Variants in ADAMTS6 observed in about 807,000 individuals in gnomAD.
ADAMTS6 encodes the protein A disintegrin and metalloproteinase with thrombospondin motifs 6.
Under a neutral mutation model 144.3 loss-of-function variants are expected in ADAMTS6, and 23 were observed. The ratio of observed to expected loss-of-function variants is 0.16; its 90% CI spans 0.11 to 0.23. The LOEUF (loss-of-function observed/expected upper bound fraction) is 0.23. Ranked by LOEUF, ADAMTS6 falls within the 10% of genes least tolerant of loss-of-function variation. The pLI is 1.00. For missense variants in ADAMTS6, 999 were observed against 1,379.6 expected, an observed-to-expected ratio of 0.72 and a Z score of 4.37; for synonymous variants, 444 against 457.5, an observed-to-expected ratio of 0.97 and a Z score of 0.38.
chr5:65,226,506 T>G (rs899459359), intron 15 of ADAMTS6, among the ~76,000 whole-genome samples: 1 of 151,848 alleles, frequency 6.6e-6, no homozygotes, highest in Non-Finnish European at 1.5e-5. Context: ...TATTTCTATA[T>G]TCCATTATAT....
intron 8 of ADAMTS6, among the ~76,000 whole-genome samples, chr5:65,331,005 C>T (rs1746667613): frequency 6.6e-6 from 1 of 151,620 alleles, no homozygotes; most frequent in Non-Finnish European, 1.5e-5. Flanking sequence ...GAGACAGACA[C>T]ACACAGTGAA....
intron 19 of ADAMTS6, 122 bp downstream of exon 19, chr5:65,215,202 C>A (rs1362262837): frequency 4.1e-6 from 5 of 1,221,812 alleles, no homozygotes; most frequent in Admixed American, 4.8e-5. Context: ...TTGGGTAAAT[C>A]ATTTTATCTT....
At chr5:65,393,242 A>T (rs1302666507) in intron 7 of ADAMTS6, among the ~76,000 whole-genome samples, 2 of 152,160 alleles carry the variant, frequency 1.3e-5, no homozygotes, top group Non-Finnish European at 2.9e-5. Flanking sequence ...ACAATTGCTT[A>T]AAAAAGTGTG....
intron 20 of ADAMTS6, among the ~76,000 whole-genome samples, chr5:65,209,537 A>G (rs985265509): frequency 1.2e-4 from 19 of 152,202 alleles, no homozygotes; most frequent in African/African-American, 4.1e-4. Context: ...GGACTGAATC[A>G]CCAATGTTTC....
chr5:65,210,080 C>G (rs1478423932), intron 20 of ADAMTS6: 1 of 221,064 alleles, frequency 4.5e-6, no homozygotes, highest in Non-Finnish European at 9.6e-6. Context: ...GAAGATTGGC[C>G]TGACAAATGA....
At chr5:65,179,773 A>C (rs1227946612) in intron 22 of ADAMTS6, among the ~76,000 whole-genome samples, 1 of 152,238 alleles carries the variant, frequency 6.6e-6, no homozygotes, top group Non-Finnish European at 1.5e-5. Flanking sequence ...ATTAATGTTA[A>C]AAGTACCATA....
intron 1 of ADAMTS6, among the ~76,000 whole-genome samples, chr5:65,477,811 A>G (rs570479772): frequency 5.3e-5 from 8 of 150,794 alleles, no homozygotes; most frequent in Non-Finnish European, 1.0e-4. Flanking sequence ...ACTTAACATT[A>G]AGTAAATGAG....
chr5:65,226,287 C>T (rs897176214), intron 15 of ADAMTS6, 68 bp from the exon 16 acceptor site: 8 of 1,510,658 alleles, frequency 5.3e-6, no homozygotes, highest in Non-Finnish European at 6.3e-6. Flanking sequence ...TCAGTATTAT[C>T]TATGGCAAAT....
intron 9 of ADAMTS6, among the ~76,000 whole-genome samples, chr5:65,319,467 C>T (rs1007129573): frequency 4.7e-5 from 7 of 149,462 alleles, no homozygotes; most frequent in Non-Finnish European, 8.9e-5. Flanking sequence ...ACTGCTTAAG[C>T]TCAGGAGTTG....
chr5:65,196,249 G>C (rs761815527), intron 21 of ADAMTS6, among the ~76,000 whole-genome samples: 4 of 152,024 alleles, frequency 2.6e-5, no homozygotes, highest in Non-Finnish European at 5.9e-5. Context: ...AAAGTCTTTA[G>C]GTCTTGGCTG....
intron 20 of ADAMTS6, among the ~76,000 whole-genome samples, chr5:65,200,591 A>C (rs987233445): frequency 6.6e-6 from 1 of 152,086 alleles, no homozygotes; most frequent in Non-Finnish European, 1.5e-5. Context: ...CTAATCAAAA[A>C]CAAAATTCTA....
intron 7 of ADAMTS6, among the ~76,000 whole-genome samples, chr5:65,432,469 C>A (rs933907281): frequency 1.3e-5 from 2 of 151,914 alleles, no homozygotes; most frequent in Non-Finnish European, 2.9e-5. Flanking sequence ...AAGAAAAGAG[C>A]CATTGAATTT....
chr5:65,361,889 C>T (rs1749855619), intron 7 of ADAMTS6, among the ~76,000 whole-genome samples: 8 of 152,084 alleles, frequency 5.3e-5, no homozygotes. Flanking sequence ...CATGGGCCAT[C>T]ATGCCAGGCT....
intron 7 of ADAMTS6, among the ~76,000 whole-genome samples, chr5:65,369,458 C>T (rs1750631763): frequency 6.6e-6 from 1 of 151,766 alleles, no homozygotes; most frequent in African/African-American, 2.4e-5. Context: ...GAAAGAAAAA[C>T]TATCTTTTTT....
chr5:65,198,532 T>A (rs1755534706), intron 20 of ADAMTS6: 1 of 167,076 alleles, frequency 6.0e-6, no homozygotes, highest in Admixed American at 6.5e-5. Flanking sequence ...CACACCTACC[T>A]TTAACTAAGC....
intron 22 of ADAMTS6, among the ~76,000 whole-genome samples, chr5:65,174,273 T>C (rs1266164351): frequency 1.3e-5 from 2 of 152,200 alleles, no homozygotes; most frequent in African/African-American, 4.8e-5. Flanking sequence ...GTTTTGCCCG[T>C]GGCTTGTTCT....
intron 7 of ADAMTS6, among the ~76,000 whole-genome samples, chr5:65,439,497 A>C (rs1435898037): frequency 6.6e-6 from 1 of 152,174 alleles, no homozygotes; most frequent in Non-Finnish European, 1.5e-5. Flanking sequence ...GAAACATCAG[A>C]AAACCCAAAT....
intron 8 of ADAMTS6, among the ~76,000 whole-genome samples, chr5:65,332,855 C>G (rs1035254237): frequency 6.6e-6 from 1 of 152,110 alleles, no homozygotes; most frequent in East Asian, 1.9e-4. Flanking sequence ...AGCTCTGTCT[C>G]CATTATGCTT....
intron 20 of ADAMTS6, chr5:65,210,043 C>G: frequency 4.6e-6 from 1 of 217,776 alleles, no homozygotes; most frequent in Non-Finnish European, 9.7e-6. Context: ...GCACAGCATA[C>G]GCACATGAAC....
Sources: gnomAD v4.1 joint callset for allele counts (sites outside exome capture counted in the v4.1 genomes callset) on GRCh38, gnomAD v4.1.1 for gene constraint, MANE v1.5 for transcripts, NCBI Gene and HGNC (gene_info 2026-07-23, HGNC 2026-07-21) for gene names.